Variants in MAP2K5 observed in about 807,000 individuals in gnomAD.
MAP2K5 encodes the protein dual specificity mitogen-activated protein kinase kinase 5.
MAP2K5 carries 49 observed loss-of-function variants against 83.1 expected under a neutral mutation model. The ratio of observed to expected loss-of-function variants is 0.59; its 90% CI spans 0.47 to 0.75. The LOEUF is 0.75. Ranked by LOEUF, MAP2K5 falls within the 30% of genes least tolerant of loss-of-function variation. MAP2K5 has a pLI of 0.00. For synonymous variants in MAP2K5, 202 were observed against 191.8 expected, an observed-to-expected ratio of 1.05 and a Z score of -0.44; for missense variants, 457 against 557.5, an observed-to-expected ratio of 0.82 and a Z score of 1.82.
chr15:67,621,951 A>G (rs760824723), intron 8 of MAP2K5, among the ~76,000 whole-genome samples: 2 of 152,186 alleles, frequency 1.3e-5, no homozygotes, highest in Non-Finnish European at 2.9e-5. Flanking sequence ...TGGGAGGCCA[A>G]GGTGGGTGGA....
In MAP2K5 at chr15:67,592,867, T is replaced by C. The variant is rs774611258; in HGVS notation, c.432-59T>C. ...CAAAGGTGTATTTCAGTCTGGAATT[T>C]TCAGTGGTGTTCAGAGGTGTTGATG... On this transcript the variant is annotated intron_variant, in intron 6 of 21. Transcript: ENST00000178640. 2.4e-4 allele frequency: 274 copies of C among 1,150,420 alleles called. 2 individuals carry two copies. Among genetic ancestry groups the C allele is most frequent in the Non-Finnish European group, 3.3e-4 (256 of 766,096 alleles). 71.3% of individuals were successfully genotyped at this position (1,150,420 alleles called of 1,614,324 possible). A position where few individuals can be genotyped will look rare whatever the true frequency, so the allele number is the denominator to read the frequency against.
intron 8 of MAP2K5, among the ~76,000 whole-genome samples, chr15:67,610,154 C>A (rs182545764): frequency 1.6e-4 from 25 of 152,222 alleles, no homozygotes; most frequent in African/African-American, 5.8e-4. Flanking sequence ...TAACTATTAA[C>A]CCAAGTTATT....
chr15:67,624,258 GA>G (rs1414187670), intron 8 of MAP2K5, among the ~76,000 whole-genome samples: 2 of 145,592 alleles, frequency 1.4e-5, no homozygotes, highest in African/African-American at 5.1e-5. Flanking sequence ...AGAATGGTGT[GA>G]ACCCGGGAAG....
chr15:67,644,905 T>G lies in MAP2K5; in HGVS notation c.586-1326T>G, dbSNP rs1413548462. ...GGCTTACGCTTGTAATCCCAGAACT[T>G]TGGGAGGCTGAGGTGAGCGGATCAT... On this transcript the variant is annotated intron_variant, in intron 9 of 21. Coordinates refer to ENST00000178640, the MANE Select transcript of MAP2K5 (RefSeq NM_145160.3). The surrounding 1 kb of genome is among the most constrained non-coding windows in gnomAD (Gnocchi z 4.6). Among the ~76,000 whole-genome samples, 1 of 152,118 alleles carries G rather than the reference T, an allele frequency of 6.6e-6. No homozygotes were observed. Among genetic ancestry groups the G allele is most frequent in the Non-Finnish European group, 1.5e-5 (1 of 68,016 alleles).
chr15:67,715,361 T>A (rs568233504), intron 16 of MAP2K5, among the ~76,000 whole-genome samples: 1 of 152,336 alleles, frequency 6.6e-6, no homozygotes, highest in African/African-American at 2.4e-5. Context: ...CTGTCTCATA[T>A]TACCATGCCT....
In MAP2K5 at chr15:67,572,667, T is replaced by G. The variant is rs2084972012; in HGVS notation, c.253-8087T>G. On this transcript the variant is annotated intron_variant, in intron 3 of 21. Transcript: ENST00000178640. This position sits in a 1 kb window ranked among gnomAD's most constrained non-coding sequence, Gnocchi z 4.2. The stretch of plus-strand genomic sequence containing the variant: ...GTTTGTGATAAAGGATTCATTTTCT[T>G]AATTACTATATTTTGCAAGAATTGA... Among the ~76,000 whole-genome samples, 1 of 152,020 alleles carries G rather than the reference T, an allele frequency of 6.6e-6. No individual in the cohort carries two copies. The highest frequency in any genetic ancestry group is 2.1e-4 in the South Asian group (1 of 4,820).
chr15:67,571,778 G>A (rs1200025447), intron 3 of MAP2K5, among the ~76,000 whole-genome samples: 2 of 152,118 alleles, frequency 1.3e-5, no homozygotes, highest in Non-Finnish European at 2.9e-5. Flanking sequence ...AGTCAATAGA[G>A]AGCTGGGGCC....
intron 19 of MAP2K5, among the ~76,000 whole-genome samples, chr15:67,752,214 C>A (rs764643102): frequency 6.6e-6 from 1 of 151,886 alleles, no homozygotes; most frequent in South Asian, 2.1e-4. Context: ...TACAGGCACA[C>A]GCCACCACAC....
In MAP2K5 at chr15:67,543,108, G is replaced by T; in HGVS notation, c.-228G>T. ...TGCGGGCCTTTGCCCGCTTCCCGGT[G>T]CACCCTCCCCGGGAGACACCTCAGA... On this transcript the variant is annotated 5_prime_UTR_variant, in exon 1 of 22. Coordinates refer to ENST00000178640, the MANE Select transcript of MAP2K5 (RefSeq NM_145160.3). The surrounding 1 kb of genome is among the most constrained non-coding windows in gnomAD (Gnocchi z 4.3). The T allele has an allele frequency of 1.8e-6, 1 of 565,624 alleles. No homozygotes were observed. The highest frequency in any genetic ancestry group is 3.2e-6 in the Non-Finnish European group (1 of 315,334). The allele number at this position is 565,624 out of a possible 1,614,324, so 35.0% of individuals were successfully genotyped here. A position where few individuals can be genotyped will look rare whatever the true frequency, so the allele number is the denominator to read the frequency against.
chr15:67,562,326 T>A lies in MAP2K5; in HGVS notation c.185-957T>A, dbSNP rs572627261. ...AGACATGCTTGGCAGATGATGTGGG[T>A]AAGTGATCAGGCCAACAATTTCATT... On this transcript the variant is annotated intron_variant, in intron 2 of 21. Transcript: ENST00000178640. This position sits in a 1 kb window ranked among gnomAD's most constrained non-coding sequence, Gnocchi z 4.1. 2.6e-5 allele frequency among the ~76,000 whole-genome samples: 4 copies of A among 152,362 alleles called. No individual in the cohort carries two copies. In the South Asian group the frequency reaches 8.3e-4, roughly 32 times the overall value.
Position 67,703,398 on chromosome 15 carries a change from C to T in MAP2K5, c.1034C>T (p.Ser345Phe). 1 of 1,613,252 alleles carries T rather than the reference C, an allele frequency of 6.2e-7. No homozygotes were observed. Among genetic ancestry groups the T allele is most frequent in the Non-Finnish European group, 8.5e-7 (1 of 1,179,376 alleles). The change falls in exon 16 of 22, where the codon TCT becomes TTT. Residue 345 changes from serine (S) to phenylalanine (F), a missense_variant. Around this residue, in one of 3 missense-constraint regions of MAP2K5, gnomAD observed 168 missense variants for 263.0 expected, o/e 0.64. Transcript: ENST00000178640. ...IHSDVWSLGISFMELALGRFP... is the reference protein window; with the variant it reads ...IHSDVWSLGIFFMELALGRFP... The stretch of plus-strand genomic sequence containing the variant: ...TCTGATGTCTGGAGCTTAGGAATCT[C>T]TTTTATGGAGGTACGTTGTTTGCAC...
At chr15:67,718,930 T>A (rs1207627167) in intron 16 of MAP2K5, among the ~76,000 whole-genome samples, 2 of 152,202 alleles carry the variant, frequency 1.3e-5, no homozygotes, top group African/African-American at 4.8e-5. Flanking sequence ...ATACTTTTAG[T>A]TATTTTTAAA....
intron 11 of MAP2K5, among the ~76,000 whole-genome samples, chr15:67,655,505 T>C (rs1413505382): frequency 8.3e-6 from 1 of 120,884 alleles, no homozygotes; most frequent in East Asian, 2.5e-4. Flanking sequence ...GAATTTTTGG[T>C]TTATAATCTT....
chr15:67,709,861 A>C (rs1365302240), intron 16 of MAP2K5, among the ~76,000 whole-genome samples: 5 of 152,232 alleles, frequency 3.3e-5, no homozygotes, highest in Non-Finnish European at 5.9e-5. Context: ...ATGCATCTAC[A>C]TTAAAAAGGC....
chr15:67,569,648 A>C (rs1013173527), intron 3 of MAP2K5, among the ~76,000 whole-genome samples: 14 of 152,212 alleles, frequency 9.2e-5, no homozygotes, highest in African/African-American at 3.4e-4. Context: ...AGCAAGGAGC[A>C]GAAGCATATT....
chr15:67,737,413 G>A (rs1433157345), intron 17 of MAP2K5, among the ~76,000 whole-genome samples: 2 of 152,182 alleles, frequency 1.3e-5, no homozygotes, highest in Non-Finnish European at 2.9e-5. Flanking sequence ...GCCGAGCTTT[G>A]TTTGAGCATA....
At position 67,806,739 on chromosome 15, in the gene MAP2K5, G is replaced by A. The variant is rs1217411363; in HGVS notation, c.1336G>A (p.Gly446Arg). The A allele has an allele frequency of 3.9e-6, 6 of 1,554,142 alleles. No individual in the cohort carries two copies. Among genetic ancestry groups the A allele is most frequent in the South Asian group, 3.5e-5 (3 of 84,534 alleles). Residue 446 changes from glycine to arginine, a missense_variant, in exon 22 of 22, where the codon GGG becomes AGG. Gly to Arg is a moderately radical substitution (Grantham distance 125). Transcript: ENST00000178640. The stretch of plus-strand genomic sequence containing the variant: ...GCTGGAGGAGAGGCGGAGCCAGCAG[G>A]GGCCCCCGTGAGGCTGCCGCAGGGC... Reference protein sequence around the residue: ...RALEERRSQQGPP With the variant: ...RALEERRSQQRPP
chr15:67,583,057 C>G (rs1369225588), intron 4 of MAP2K5, among the ~76,000 whole-genome samples: 1 of 152,170 alleles, frequency 6.6e-6, no homozygotes, highest in East Asian at 1.9e-4. Context: ...TTGCTTTACG[C>G]ATCATCATCT....
intron 15 of MAP2K5, 39 bp from the exon 16 acceptor site, chr15:67,703,298 C>G: frequency 6.9e-7 from 1 of 1,456,788 alleles, no homozygotes; most frequent in Non-Finnish European, 9.6e-7. Flanking sequence ...TCCTGAGTAG[C>G]ATCCGTCCAC....
Sources: allele counts gnomAD v4.1 joint callset (sites outside exome capture counted in the v4.1 genomes callset), GRCh38; gene constraint gnomAD v4.1.1; regional missense constraint gnomAD v4.1.1; non-coding constraint Gnocchi (gnomAD v3.1); transcripts MANE v1.5; gene names NCBI Gene and HGNC (gene_info 2026-07-23, HGNC 2026-07-21).